Variants in CCDC38 observed in about 807,000 individuals in gnomAD.
CCDC38 encodes coiled-coil domain containing 38, also known as coiled-coil domain-containing protein 38.
A neutral mutation model predicts 72.8 loss-of-function variants in CCDC38; 69 were observed. The observed-to-expected ratio is 0.95, with a 90% CI of 0.78 to 1.16. CCDC38 has a LOEUF of 1.16. CCDC38 is among the 50% of genes most tolerant of loss of function. CCDC38 has a pLI of 0.00. For missense variants in CCDC38, 626 were observed against 638.9 expected (o/e 0.98, Z 0.22); for synonymous variants, 201 against 213.2 (o/e 0.94, Z 0.50).
In CCDC38 at chr12:95,879,903, G is replaced by A. The variant is rs912826133; in HGVS notation, c.991-108C>T. 1.5e-5 allele frequency: 12 copies of A among 787,946 alleles called. No individual in the cohort carries two copies. Among genetic ancestry groups the A allele is most frequent in the Non-Finnish European group, 2.1e-5 (11 of 514,738 alleles). The allele number at this position is 787,946 out of a possible 1,614,324, so 48.8% of individuals were successfully genotyped here. A position where few individuals can be genotyped will look rare whatever the true frequency, so the allele number is the denominator to read the frequency against. On this transcript the variant is annotated intron_variant, in intron 11 of 15. Coordinates refer to ENST00000344280, the MANE Select transcript of CCDC38 (RefSeq NM_182496.3). This position sits in a 1 kb window ranked among gnomAD's most constrained non-coding sequence, Gnocchi z 5.5. ...GGTAAAGGAAGACAGTTCTAAGGAT[G>A]AGGGAGACACAGGTAGGAACTTGTA...
chr12:95,872,619 G>C (rs1352022039), intron 13 of CCDC38, among the ~76,000 whole-genome samples, 159 bp from the exon 14 acceptor site: 1 of 152,118 alleles, frequency 6.6e-6, no homozygotes, highest in Non-Finnish European at 1.5e-5. Context: ...CTGTCACCCA[G>C]GCTGGAGTGC....
chr12:95,873,494 C>T (rs557562806), intron 13 of CCDC38, among the ~76,000 whole-genome samples: 6 of 152,292 alleles, frequency 3.9e-5, no homozygotes, highest in South Asian at 2.1e-4. Context: ...GATCCCTGTA[C>T]CTCGACACTG....
intron 8 of CCDC38, among the ~76,000 whole-genome samples, chr12:95,891,866 A>G: frequency 6.6e-6 from 1 of 152,068 alleles, no homozygotes; most frequent in Non-Finnish European, 1.5e-5. Flanking sequence ...AGGTTTAACA[A>G]CCAACTCTCT....
At chr12:95,893,034 T>A (rs1474830284) in intron 8 of CCDC38, among the ~76,000 whole-genome samples, 1 of 152,226 alleles carries the variant, frequency 6.6e-6, no homozygotes, top group Non-Finnish European at 1.5e-5. Context: ...AGTATTTGTT[T>A]ATCTTTCTAG....
intron 4 of CCDC38, 31 bp downstream of exon 4, chr12:95,917,098 A>G: frequency 1.9e-6 from 3 of 1,538,860 alleles, no homozygotes; most frequent in Non-Finnish European, 2.6e-6. Flanking sequence ...AATATTCAAA[A>G]TGATGTTCTT....
At chr12:95,938,257 G>A (rs1223931247) in intron 1 of CCDC38, among the ~76,000 whole-genome samples, 3 of 152,100 alleles carry the variant, frequency 2.0e-5, no homozygotes, top group Non-Finnish European at 4.4e-5. Flanking sequence ...TGAAAAATTG[G>A]TGACAACCTG....
intron 2 of CCDC38, among the ~76,000 whole-genome samples, chr12:95,923,034 G>A (rs1043749663): frequency 4.6e-5 from 7 of 152,014 alleles, no homozygotes; most frequent in Non-Finnish European, 8.8e-5. Context: ...TCTCTTGAGG[G>A]TCTGAGTAGA....
At chr12:95,886,213 T>A (rs1474280023) in intron 10 of CCDC38, among the ~76,000 whole-genome samples, 1 of 152,158 alleles carries the variant, frequency 6.6e-6, no homozygotes, top group Non-Finnish European at 1.5e-5. Flanking sequence ...AGCAATTCAA[T>A]GAAAGAAGCC....
At chr12:95,883,824 C>T (rs117771785) in intron 10 of CCDC38, among the ~76,000 whole-genome samples, 7,806 of 152,086 alleles carry the variant, frequency 0.051, 258 homozygotes, top group Non-Finnish European at 0.081. Context: ...TCTGAGGGAG[C>T]GAATGTGGTG....
intron 2 of CCDC38, among the ~76,000 whole-genome samples, chr12:95,923,431 A>G (rs995631145): frequency 2.0e-5 from 3 of 152,110 alleles, no homozygotes; most frequent in African/African-American, 7.2e-5. Context: ...GTTGTCCTCC[A>G]GGGGATGAGT....
At chr12:95,939,936 T>C (rs1034396426) in intron 1 of CCDC38, among the ~76,000 whole-genome samples, 1 of 152,200 alleles carries the variant, frequency 6.6e-6, no homozygotes, top group African/African-American at 2.4e-5. Flanking sequence ...TCTTATCCAC[T>C]CTTTCTCTTG....
At chr12:95,896,623 G>C (rs2079891647) in intron 7 of CCDC38, 1 of 152,220 alleles carries the variant, frequency 6.6e-6, no homozygotes, top group Admixed American at 6.5e-5. Context: ...AATCCTCCCA[G>C]ATATGCTACA....
intron 15 of CCDC38, among the ~76,000 whole-genome samples, chr12:95,867,401 G>T (rs1013558445): frequency 1.3e-5 from 2 of 152,180 alleles, no homozygotes; most frequent in African/African-American, 4.8e-5. Flanking sequence ...TAACTATGCA[G>T]AAGGAACAGC....
intron 2 of CCDC38, among the ~76,000 whole-genome samples, chr12:95,929,488 A>G (rs1267469613): frequency 6.6e-6 from 1 of 152,096 alleles, no homozygotes; most frequent in Non-Finnish European, 1.5e-5. Flanking sequence ...AAATGCAGAA[A>G]TCACCTGTCT....
chr12:95,917,110 A>G lies in CCDC38; in HGVS notation c.304+19T>C. 6.4e-7 allele frequency: 1 copy of G among 1,557,216 alleles called. No individual in the cohort carries two copies. Among genetic ancestry groups the G allele is most frequent in the Non-Finnish European group, 8.6e-7 (1 of 1,161,080 alleles). On this transcript the variant is annotated intron_variant, in intron 4 of 15. Transcript: ENST00000344280. ...GTAAATATTCAAAATGATGTTCTTA[A>G]AGAGTAATTTAGACTCACCTTCTAT...
Position 95,879,938 on chromosome 12 carries a change from C to G in CCDC38, c.991-143G>C, listed in dbSNP as rs112139047. The G allele has an allele frequency of 2.3e-5, 12 of 530,110 alleles. 1 individual carries two copies. Among genetic ancestry groups the G allele is most frequent in the African/African-American group, 7.6e-5 (4 of 52,804 alleles). 32.8% of individuals were successfully genotyped at this position (530,110 alleles called of 1,614,324 possible). A position where few individuals can be genotyped will look rare whatever the true frequency, so the allele number is the denominator to read the frequency against. ...CAGGTAGGAACTTGTATGGGAAACT[C>G]GCCTATTTCCAAGTGAGAGCTGGCT... On this transcript the variant is annotated intron_variant, in intron 11 of 15. Transcript: ENST00000344280. The surrounding 1 kb of genome is among the most constrained non-coding windows in gnomAD (Gnocchi z 5.5).
chr12:95,913,993 A>T (rs75717488), intron 4 of CCDC38, among the ~76,000 whole-genome samples: 13,993 of 152,256 alleles, frequency 0.092, 807 homozygotes, highest in Non-Finnish European at 0.12. Context: ...ATATGAAATC[A>T]GTCAGCATTT....
At chr12:95,940,883 CAAACAAACA>C (rs1382566158) in intron 1 of CCDC38, among the ~76,000 whole-genome samples, 2 of 79,542 alleles carry the variant, frequency 2.5e-5, no homozygotes, top group East Asian at 1.4e-3. Context: ...AAAAAACAAA[CAAACAAACA>C]AAAAAAAAAA....
intron 10 of CCDC38, among the ~76,000 whole-genome samples, chr12:95,887,523 A>G (rs2079772802): frequency 6.6e-6 from 1 of 152,260 alleles, no homozygotes; most frequent in Non-Finnish European, 1.5e-5. Flanking sequence ...ATACTGTAGG[A>G]TTCCACTTAT....
Sources: allele counts gnomAD v4.1 joint callset (sites outside exome capture counted in the v4.1 genomes callset), GRCh38; gene constraint gnomAD v4.1.1; non-coding constraint Gnocchi (gnomAD v3.1); transcripts MANE v1.5; gene names NCBI Gene and HGNC (gene_info 2026-07-23, HGNC 2026-07-21).